Variants in GRID2 observed in about 807,000 individuals in gnomAD.
GRID2 encodes glutamate ionotropic receptor delta type subunit 2.
GRID2 carries 33 observed loss-of-function variants against 114.8 expected under a neutral mutation model. The ratio of observed to expected loss-of-function variants is 0.29; its 90% CI spans 0.22 to 0.38. The LOEUF is 0.38. Among genes scored for constraint, GRID2 ranks in the 10% least tolerant of loss-of-function variants. GRID2 has a pLI of 1.00. For synonymous variants in GRID2, 505 were observed against 449.9 expected (o/e 1.12, Z -1.55); for missense variants, 1,184 against 1,257.7 (o/e 0.94, Z 0.89).
At chr4:93,759,067 C>A (rs1273246783) in intron 14 of GRID2, among the ~76,000 whole-genome samples, 2 of 152,030 alleles carry the variant, frequency 1.3e-5, no homozygotes, top group African/African-American at 4.8e-5. Context: ...TATTCATTTG[C>A]CGCCCAGTAC....
intron 2 of GRID2, among the ~76,000 whole-genome samples, chr4:93,037,795 C>T (rs1033870170): frequency 6.6e-6 from 1 of 152,016 alleles, no homozygotes; most frequent in Non-Finnish European, 1.5e-5. Context: ...TTCTATTGGT[C>T]TATATCTGTT....
At chr4:93,357,007 A>C (rs1332604956) in intron 8 of GRID2, among the ~76,000 whole-genome samples, 2 of 151,654 alleles carry the variant, frequency 1.3e-5, no homozygotes, top group East Asian at 3.9e-4. Flanking sequence ...ATAATTTGGA[A>C]TATCTATATT....
chr4:93,351,536 C>T (rs1760806915), intron 8 of GRID2, among the ~76,000 whole-genome samples: 1 of 151,928 alleles, frequency 6.6e-6, no homozygotes, highest in Non-Finnish European at 1.5e-5. Context: ...ATGTTATGGG[C>T]ATTATTCTCT....
intron 2 of GRID2, among the ~76,000 whole-genome samples, chr4:92,922,981 T>C (rs1749490419): frequency 6.6e-6 from 1 of 152,238 alleles, no homozygotes; most frequent in Non-Finnish European, 1.5e-5. Context: ...GCTGTTGTAA[T>C]TATTTTGTGA....
At chr4:93,284,540 A>G (rs945392874) in intron 8 of GRID2, among the ~76,000 whole-genome samples, 4 of 151,676 alleles carry the variant, frequency 2.6e-5, no homozygotes, top group Non-Finnish European at 4.4e-5. Context: ...AATATATAAT[A>G]AATTAATAAA....
intron 2 of GRID2, among the ~76,000 whole-genome samples, chr4:92,645,418 CTT>C (rs2149256916): frequency 6.6e-6 from 1 of 151,762 alleles, no homozygotes; most frequent in South Asian, 2.1e-4. Context: ...ATTTAATTGA[CTT>C]TGTTTTGGTT....
At chr4:93,594,132 T>C (rs895671184) in intron 13 of GRID2, among the ~76,000 whole-genome samples, 18 of 152,342 alleles carry the variant, frequency 1.2e-4, no homozygotes, top group African/African-American at 4.3e-4. Context: ...AGAGGCACTC[T>C]GCTTTTTAGA....
chr4:93,052,609 C>A, intron 2 of GRID2, among the ~76,000 whole-genome samples: 1 of 151,826 alleles, frequency 6.6e-6, no homozygotes, highest in East Asian at 1.9e-4. Flanking sequence ...AGTAAAAATA[C>A]AGTATTACAA....
intron 4 of GRID2, among the ~76,000 whole-genome samples, chr4:93,129,767 T>A (rs1220995813): frequency 6.6e-6 from 1 of 152,092 alleles, no homozygotes; most frequent in Non-Finnish European, 1.5e-5. Flanking sequence ...CTCAGACACA[T>A]GGAACCTGGC....
intron 1 of GRID2, among the ~76,000 whole-genome samples, chr4:93,785,083 G>A (rs1734565359): frequency 6.6e-6 from 1 of 152,188 alleles, no homozygotes; most frequent in South Asian, 2.1e-4. Flanking sequence ...AGTCACCGTG[G>A]AGGGTAACAC....
intron 13 of GRID2, among the ~76,000 whole-genome samples, chr4:93,551,033 T>C (rs555082843): frequency 1.6e-4 from 25 of 152,310 alleles, no homozygotes; most frequent in Non-Finnish European, 3.1e-4. Flanking sequence ...ACTTAGACTT[T>C]CTATGCCTCA....
At chr4:93,703,910 C>G (rs1052058317) in intron 14 of GRID2, among the ~76,000 whole-genome samples, 2 of 152,160 alleles carry the variant, frequency 1.3e-5, no homozygotes, top group East Asian at 3.9e-4. Context: ...GGACATTTGG[C>G]TTGGTTCCAA....
chr4:92,408,118 A>G (rs190985297), intron 1 of GRID2, among the ~76,000 whole-genome samples: 4 of 152,246 alleles, frequency 2.6e-5, no homozygotes, highest in Non-Finnish European at 5.9e-5. Flanking sequence ...ATATGGTGAG[A>G]GGTAGGGTTC....
chr4:92,942,259 T>G, intron 2 of GRID2, among the ~76,000 whole-genome samples: 1 of 138,492 alleles, frequency 7.2e-6, no homozygotes, highest in East Asian at 2.1e-4. Flanking sequence ...GCTCCTGTAT[T>G]GGGTGCATAT....
chr4:92,546,121 C>G (rs1436667360), intron 1 of GRID2, among the ~76,000 whole-genome samples: 5 of 152,116 alleles, frequency 3.3e-5, no homozygotes, highest in Non-Finnish European at 2.9e-5. Flanking sequence ...TTATCTGGCA[C>G]AGTTAATTTA....
intron 2 of GRID2, among the ~76,000 whole-genome samples, chr4:92,815,764 A>G (rs184890208): frequency 3.3e-5 from 5 of 151,378 alleles, no homozygotes; most frequent in African/African-American, 1.2e-4. Context: ...TAAATAAATA[A>G]ATAAAAACTA....
chr4:92,540,891 C>T (rs1725907648), intron 1 of GRID2, among the ~76,000 whole-genome samples: 1 of 152,152 alleles, frequency 6.6e-6, no homozygotes, highest in Non-Finnish European at 1.5e-5. Flanking sequence ...TTGTGACCAA[C>T]CCAAATGTCC....
chr4:93,278,289 C>T (rs1342436774), intron 8 of GRID2, among the ~76,000 whole-genome samples: 1 of 150,618 alleles, frequency 6.6e-6, no homozygotes, highest in Non-Finnish European at 1.5e-5. Flanking sequence ...ACATGTTATT[C>T]GGTGAGACAA....
chr4:93,261,698 A>G (rs1750272344), intron 8 of GRID2, among the ~76,000 whole-genome samples: 1 of 151,804 alleles, frequency 6.6e-6, no homozygotes, highest in African/African-American at 2.4e-5. Context: ...TTTGTATAGG[A>G]GTATGTATTC....
Sources: gnomAD v4.1 joint callset for allele counts (sites outside exome capture counted in the v4.1 genomes callset) on GRCh38, gnomAD v4.1.1 for gene constraint, MANE v1.5 for transcripts, NCBI Gene and HGNC (gene_info 2026-07-23, HGNC 2026-07-21) for gene names.